The following CFAP43 variants were observed in gnomAD, a reference collection of about 807,000 sequenced individuals.
The protein encoded by CFAP43 is cilia- and flagella-associated protein 43.
In CFAP43, 155 loss-of-function variants were observed where a neutral mutation model predicts 218.9. The observed-to-expected ratio is 0.71, with a 90% CI of 0.62 to 0.81. CFAP43 has a LOEUF of 0.81. Among genes scored for constraint, CFAP43 ranks in the 30% least tolerant of loss-of-function variants. The pLI, the probability that CFAP43 is intolerant of heterozygous loss-of-function variation, is 0.00. For synonymous variants in CFAP43, 645 were observed against 681.3 expected (o/e 0.95, Z 0.83); for missense variants, 1,778 against 1,954.3 (o/e 0.91, Z 1.70).
intron 20 of CFAP43, 21 bp from the exon 21 acceptor site, chr10:104,168,869 G>A (rs2089291802): frequency 1.9e-6 from 3 of 1,573,710 alleles, no homozygotes; most frequent in Non-Finnish European, 8.7e-7. Flanking sequence ...ACAGACAAAG[G>A]GAAAAGATAA....
At chr10:104,166,417 A>C (rs2089155266) in intron 23 of CFAP43, 71 bp downstream of exon 23, 1 of 1,091,900 alleles carries the variant, frequency 9.2e-7, no homozygotes, top group Admixed American at 2.5e-5. Context: ...ATTTGTTTTC[A>C]ATGTGAGGCC....
chr10:104,178,361 C>G (rs1281919892), intron 19 of CFAP43, among the ~76,000 whole-genome samples: 1 of 151,962 alleles, frequency 6.6e-6, no homozygotes, highest in African/African-American at 2.4e-5. Flanking sequence ...AAGGGCTTAC[C>G]CAAAACAAAG....
chr10:104,198,398 C>T (rs953184017), intron 8 of CFAP43, among the ~76,000 whole-genome samples: 1 of 152,160 alleles, frequency 6.6e-6, no homozygotes, highest in African/African-American at 2.4e-5. Context: ...TCTCCTGCCT[C>T]AGCCTCCTGA....
At chr10:104,133,193 A>G (rs1301479834) in intron 35 of CFAP43, among the ~76,000 whole-genome samples, 2 of 152,226 alleles carry the variant, frequency 1.3e-5, no homozygotes, top group African/African-American at 4.8e-5. Context: ...AGAGGTATGG[A>G]AAGAAACACA....
intron 37 of CFAP43, 107 bp from the exon 38 acceptor site, chr10:104,130,412 A>G (rs1474112009): frequency 7.7e-7 from 1 of 1,293,646 alleles, no homozygotes; most frequent in East Asian, 2.4e-5. Flanking sequence ...GCAAAAAGGC[A>G]TATGCACTTG....
chr10:104,225,990 T>C lies in CFAP43; in HGVS notation c.320-433A>G, dbSNP rs1370463118. 2.6e-5 allele frequency among the ~76,000 whole-genome samples: 4 copies of C among 152,380 alleles called. No homozygotes were observed. In the East Asian group the frequency reaches 5.8e-4, roughly 22 times the overall value. On this transcript the variant is annotated intron_variant, in intron 2 of 37. Coordinates refer to ENST00000357060, the MANE Select transcript of CFAP43 (RefSeq NM_025145.7). ...ATTATCTTAGGCCATATCTGGCCCT[T>C]AGCTTAATATCTGCCAGCTTTTGGA...
chr10:104,136,166 G>A (rs1385525397), intron 34 of CFAP43, among the ~76,000 whole-genome samples: 3 of 145,684 alleles, frequency 2.1e-5, no homozygotes, highest in Admixed American at 7.2e-5. Flanking sequence ...CAGGAGAATC[G>A]CTTGAATCCG....
At chr10:104,223,889 G>T (rs561352318) in intron 3 of CFAP43, among the ~76,000 whole-genome samples, 1 of 152,224 alleles carries the variant, frequency 6.6e-6, no homozygotes, top group East Asian at 1.9e-4. Context: ...TAATTATGTT[G>T]CATGAAAGAA....
chr10:104,222,452 G>A (rs2091206764), intron 3 of CFAP43, among the ~76,000 whole-genome samples: 1 of 152,178 alleles, frequency 6.6e-6, no homozygotes, highest in Non-Finnish European at 1.5e-5. Context: ...AAGAGTGTCT[G>A]TCTCCCAGCT....
rs17112882 is a variant in CFAP43 at position 104,170,459 on chromosome 10, A to G, written c.2587-1611T>C. Among the ~76,000 whole-genome samples the G allele has an allele frequency of 3.1e-3, 472 of 152,226 alleles. 3 individuals carry two copies. The highest frequency in any genetic ancestry group is 0.011 in the African/African-American group (451 of 41,554). The stretch of plus-strand genomic sequence containing the variant: ...ATACAGCTTGGAGAGAGAAGCAAAG[A>G]TACAGTGAGGAAGCGGGCAGGCACT... On this transcript the variant is annotated intron_variant, in intron 20 of 37. Transcript: ENST00000357060.
At chr10:104,194,153 T>G in intron 10 of CFAP43, 139 bp from the exon 11 acceptor site, 1 of 896,286 alleles carries the variant, frequency 1.1e-6, no homozygotes, top group Non-Finnish European at 1.7e-6. Context: ...TTTCAAATTA[T>G]ACCCTCAACG....
At chr10:104,165,380 A>G (rs185058666) in intron 23 of CFAP43, among the ~76,000 whole-genome samples, 2 of 152,372 alleles carry the variant, frequency 1.3e-5, no homozygotes, top group African/African-American at 4.8e-5. Context: ...CACCTTAATT[A>G]AAAGCAGCAA....
rs1320288364 is a variant in CFAP43, at chr10:104,212,173, G to T, written c.585-16C>A. The T allele has an allele frequency of 1.9e-6, 3 of 1,607,916 alleles. No individual in the cohort carries two copies. Among genetic ancestry groups the T allele is most frequent in the Admixed American group, 3.4e-5 (2 of 59,536 alleles). ...TTTCACCGACCTGTAGACAAAAGAG[G>T]CATCAGAACAATGAGATGAACAGAA... is the stretch of plus-strand genomic sequence containing the variant. On this transcript the variant is annotated splice_polypyrimidine_tract_variant and intron_variant, in intron 4 of 37. Coordinates refer to ENST00000357060, the MANE Select transcript of CFAP43 (RefSeq NM_025145.7).
chr10:104,210,088 T>C (rs1259715389), intron 5 of CFAP43, among the ~76,000 whole-genome samples: 1 of 152,226 alleles, frequency 6.6e-6, no homozygotes, highest in Non-Finnish European at 1.5e-5. Context: ...TTATACTATA[T>C]TGTTTAGGAA....
chr10:104,231,632 C>G (rs1411835573), intron 1 of CFAP43, among the ~76,000 whole-genome samples: 2 of 152,136 alleles, frequency 1.3e-5, no homozygotes, highest in East Asian at 3.9e-4. Flanking sequence ...GAGGTGGGGG[C>G]TGGGAGGAAC....
rs2087921417 is a variant in CFAP43 at position 104,145,510 on chromosome 10, C to T, written c.3910G>A (p.Asp1304Asn). The change falls in exon 31 of 38, where the codon GAT becomes AAT. Residue 1304 changes from aspartate (D) to asparagine (N), a missense_variant. Asp to Asn is a conservative substitution (Grantham distance 23). Around this residue, in one of 3 missense-constraint regions of CFAP43, gnomAD observed 1,553 missense variants for 1,685.2 expected, o/e 0.92. Transcript: ENST00000357060. ...CGTTTAAAAAGTTTGTAGAGTATAT[C>T]CACTTGATGACCAGGAATTTCAGAA... is the stretch of plus-strand genomic sequence containing the variant. ...EFSEIPGHQV[D>N]ILYKLFKRRP... 3 of 1,604,882 alleles carry T rather than the reference C, an allele frequency of 1.9e-6. No homozygotes were observed. Among genetic ancestry groups the T allele is most frequent in the Admixed American group, 1.7e-5 (1 of 59,918 alleles).
At chr10:104,214,184 C>T in intron 4 of CFAP43, 75 bp downstream of exon 4, 1 of 1,423,394 alleles carries the variant, frequency 7.0e-7, no homozygotes, top group Non-Finnish European at 9.3e-7. Context: ...CTTAATTCAT[C>T]AAATTGACCC....
At chr10:104,195,864 A>G (rs2090367914) in intron 10 of CFAP43, among the ~76,000 whole-genome samples, 1 of 152,188 alleles carries the variant, frequency 6.6e-6, no homozygotes, top group African/African-American at 2.4e-5. Flanking sequence ...TTGAATATTC[A>G]CTGAGAAACT....
At chr10:104,145,616 A>G in intron 30 of CFAP43, 52 bp from the exon 31 acceptor site, 1 of 1,230,000 alleles carries the variant, frequency 8.1e-7, no homozygotes, top group East Asian at 2.4e-5. Flanking sequence ...GAAACCTTTT[A>G]TTTGTTGACA....
Sources: gnomAD v4.1 joint callset for allele counts (sites outside exome capture counted in the v4.1 genomes callset) on GRCh38, gnomAD v4.1.1 for gene constraint, gnomAD v4.1.1 regional missense constraint, MANE v1.5 for transcripts, NCBI Gene and HGNC (gene_info 2026-07-23, HGNC 2026-07-21) for gene names.